DNAJC1: variants seen among roughly 807,000 people sequenced by gnomAD.
DNAJC1 encodes dnaJ homolog subfamily C member 1.
Under a neutral mutation model 76.6 loss-of-function variants are expected in DNAJC1, and 58 were observed. The ratio of observed to expected loss-of-function variants is 0.76; its 90% CI spans 0.61 to 0.94. DNAJC1 has a LOEUF of 0.94. Among genes scored for constraint, DNAJC1 ranks in the 40% least tolerant of loss-of-function variants. The probability of loss-of-function intolerance (pLI) is 0.00; values close to 1 mark genes in which losing one functional copy is unlikely to be tolerated. For missense variants in DNAJC1, 689 were observed against 677.3 expected (o/e 1.02, Z -0.19); for synonymous variants, 258 against 267.9 (o/e 0.96, Z 0.36).
At chr10:21,973,973 G>A (rs766145912) in intron 1 of DNAJC1, among the ~76,000 whole-genome samples, 21 of 151,642 alleles carry the variant, frequency 1.4e-4, no homozygotes, top group Non-Finnish European at 2.7e-4. Flanking sequence ...CTGGAGGTGC[G>A]TGCCTGCAAT....
In DNAJC1 at chr10:21,759,157, C is replaced by A. The variant is rs751230000; in HGVS notation, c.1596+13G>T. ...CTAACACCTGTGCAGAGGCCTCTTT[C>A]CCCATCACTCACCTTGCTCTTGGAC... On this transcript the variant is annotated intron_variant, in intron 11 of 11. Coordinates refer to ENST00000376980, the MANE Select transcript of DNAJC1 (RefSeq NM_022365.4). 6.2e-7 allele frequency: 1 copy of A among 1,606,970 alleles called. No homozygotes were observed. Among genetic ancestry groups the A allele is most frequent in the Admixed American group, 1.7e-5 (1 of 59,366 alleles).
chr10:21,920,691 G>A, intron 4 of DNAJC1, 107 bp downstream of exon 4: 2 of 966,210 alleles, frequency 2.1e-6, no homozygotes, highest in Non-Finnish European at 3.0e-6. Flanking sequence ...ATTAGAATGA[G>A]AAGTATACAG....
At chr10:21,987,700 T>C (rs989939999) in intron 1 of DNAJC1, among the ~76,000 whole-genome samples, 6 of 152,226 alleles carry the variant, frequency 3.9e-5, no homozygotes, top group African/African-American at 9.6e-5. Flanking sequence ...ATGATTTATC[T>C]CATAAACATG....
chr10:21,779,297 C>T (rs1309765286), intron 9 of DNAJC1, among the ~76,000 whole-genome samples: 3 of 152,198 alleles, frequency 2.0e-5, no homozygotes, highest in Non-Finnish European at 4.4e-5. Context: ...AGACTGCCTC[C>T]TCAAGTGAGT....
chr10:21,965,425 T>C (rs1378561587), intron 1 of DNAJC1, among the ~76,000 whole-genome samples: 2 of 152,166 alleles, frequency 1.3e-5, no homozygotes, highest in East Asian at 1.9e-4. Flanking sequence ...GCAATACTAC[T>C]GTCAGAGGCA....
chr10:21,883,314 G>C (rs1339341329), intron 7 of DNAJC1, among the ~76,000 whole-genome samples: 1 of 144,690 alleles, frequency 6.9e-6, no homozygotes, highest in African/African-American at 2.5e-5. Flanking sequence ...CTGGAGACTT[G>C]ACATTGAGAA....
chr10:21,862,137 C>T (rs937744698), intron 8 of DNAJC1, among the ~76,000 whole-genome samples: 3 of 151,988 alleles, frequency 2.0e-5, no homozygotes, highest in Non-Finnish European at 4.4e-5. Context: ...AGGCTGGTCT[C>T]GAACTCCCAA....
intron 9 of DNAJC1, among the ~76,000 whole-genome samples, chr10:21,780,739 A>G (rs1399823897): frequency 1.3e-5 from 2 of 152,232 alleles, no homozygotes; most frequent in Non-Finnish European, 2.9e-5. Flanking sequence ...AGATTCACAC[A>G]TAACAATATT....
intron 8 of DNAJC1, among the ~76,000 whole-genome samples, chr10:21,834,994 C>T (rs1052018421): frequency 6.6e-5 from 10 of 152,320 alleles, no homozygotes; most frequent in Middle Eastern, 6.8e-3. Context: ...TCTCCCAGCA[C>T]GCAGCTTGAG....
intron 6 of DNAJC1, among the ~76,000 whole-genome samples, chr10:21,907,562 G>A (rs974530200): frequency 6.6e-6 from 1 of 152,116 alleles, no homozygotes; most frequent in African/African-American, 2.4e-5. Flanking sequence ...TAAGGGATTA[G>A]AGATAAGAAG....
intron 8 of DNAJC1, among the ~76,000 whole-genome samples, chr10:21,829,359 G>A (rs535079205): frequency 4.9e-4 from 75 of 152,168 alleles, no homozygotes; most frequent in African/African-American, 1.4e-3. Flanking sequence ...GACTACAGGC[G>A]CCCACCACTA....
intron 8 of DNAJC1, among the ~76,000 whole-genome samples, chr10:21,843,971 A>T (rs1249593259): frequency 2.6e-5 from 4 of 152,152 alleles, no homozygotes; most frequent in Admixed American, 2.6e-4. Flanking sequence ...AGTTTCCCCC[A>T]TACTGTTCTC....
chr10:21,928,058 T>G (rs1045302225), intron 3 of DNAJC1, among the ~76,000 whole-genome samples: 1 of 152,050 alleles, frequency 6.6e-6, no homozygotes, highest in Non-Finnish European at 1.5e-5. Flanking sequence ...ATTCTGAGAG[T>G]GAGGAAATAT....
At chr10:21,976,516 A>G (rs1240634544) in intron 1 of DNAJC1, among the ~76,000 whole-genome samples, 4 of 152,226 alleles carry the variant, frequency 2.6e-5, no homozygotes, top group African/African-American at 9.7e-5. Context: ...TCTTCTGGCC[A>G]GTTATTTGTC....
At chr10:21,990,544 G>A (rs1286043937) in intron 1 of DNAJC1, among the ~76,000 whole-genome samples, 2 of 152,170 alleles carry the variant, frequency 1.3e-5, no homozygotes, top group Non-Finnish European at 2.9e-5. Flanking sequence ...TGGGCTTTAA[G>A]AATAAAATTT....
chr10:21,977,758 A>T (rs1218149801), intron 1 of DNAJC1, among the ~76,000 whole-genome samples: 2 of 152,204 alleles, frequency 1.3e-5, no homozygotes, highest in Admixed American at 1.3e-4. Flanking sequence ...GCATATGAAC[A>T]TTATATTATT....
Position 21,762,934 on chromosome 10 carries a change from GTTT to G in DNAJC1, c.1148-3319_1148-3317del, listed in dbSNP as rs753354641. Among the ~76,000 whole-genome samples, 19 of 151,844 alleles carry G rather than the reference GTTT, an allele frequency of 1.3e-4. No homozygotes were observed. In the South Asian group the frequency reaches 3.8e-3, roughly 30 times the overall value. ...GAAAATACTTTCAAACATCGACTTTGTTTTTTTTGTTTTTTGAGCCAGTCTCGC... is the reference window on the plus strand; with the variant it reads ...GAAAATACTTTCAAACATCGACTTTGTTTTTGTTTTTTGAGCCAGTCTCGC... On this transcript the variant is annotated intron_variant, in intron 10 of 11. Transcript: ENST00000376980.
rs560954094 is a variant in DNAJC1, at chr10:21,758,581, G to GCTGT, written c.1596+585_1596+588dup. On this transcript the variant is annotated intron_variant, in intron 11 of 11. Coordinates refer to ENST00000376980, the MANE Select transcript of DNAJC1 (RefSeq NM_022365.4). ...GCCGTGGAAAGTAAGCCGAACCCTAGCTGTCGCCTGGCACTGACCACATAC... is the reference window on the plus strand; with the variant it reads ...GCCGTGGAAAGTAAGCCGAACCCTAGCTGTCTGTCGCCTGGCACTGACCACATAC... Among the ~76,000 whole-genome samples, 21 of 152,262 alleles carry GCTGT rather than the reference G, an allele frequency of 1.4e-4. 1 individual carries two copies. The South Asian group carries it at 3.3e-3, about 24-fold the overall frequency.
chr10:22,000,001 C>G (rs1324523501), intron 1 of DNAJC1, among the ~76,000 whole-genome samples: 1 of 152,208 alleles, frequency 6.6e-6, no homozygotes, highest in African/African-American at 2.4e-5. Flanking sequence ...TTTAGCATGT[C>G]CGTAAACCAA....
Sources: allele counts gnomAD v4.1 joint callset (sites outside exome capture counted in the v4.1 genomes callset), GRCh38; gene constraint gnomAD v4.1.1; transcripts MANE v1.5; gene names NCBI Gene and HGNC (gene_info 2026-07-23, HGNC 2026-07-21).